ERI1: variants seen among roughly 807,000 people sequenced by gnomAD.
ERI1 encodes the protein exoribonuclease 1, also known as 3'-5' exoribonuclease 1.
In ERI1, 39 loss-of-function variants were observed where a neutral mutation model predicts 39.7. The ratio of observed to expected loss-of-function variants is 0.98; its 90% CI spans 0.76 to 1.28. ERI1 has a LOEUF of 1.28. Among genes scored for constraint, ERI1 ranks in the 50% most tolerant of loss-of-function variants. ERI1 has a pLI of 0.00. For missense variants in ERI1, 581 were observed against 416.9 expected (o/e 1.39, Z -3.43); for synonymous variants, 204 against 149.6 (o/e 1.36, Z -2.65).
intron 3 of ERI1, among the ~76,000 whole-genome samples, chr8:9,043,225 C>T (rs1165676272): frequency 1.3e-5 from 2 of 152,184 alleles, no homozygotes; most frequent in East Asian, 1.9e-4. Context: ...TCTTGAAACT[C>T]CCACCTTTAA....
chr8:9,096,153 G>T (rs567529648), intron 3 of ERI1, among the ~76,000 whole-genome samples: 4 of 152,242 alleles, frequency 2.6e-5, no homozygotes, highest in African/African-American at 7.2e-5. Flanking sequence ...ATGGCATTCA[G>T]TGCAGAGCAA....
intron 1 of ERI1, 86 bp downstream of exon 1, chr8:9,003,257 C>T (rs1410101793): frequency 4.9e-6 from 4 of 810,632 alleles, no homozygotes; most frequent in South Asian, 1.3e-4. Flanking sequence ...TCAGGTGTCC[C>T]GCAGAAGGTG....
chr8:9,078,074 C>A (rs1171648311), intron 3 of ERI1, among the ~76,000 whole-genome samples: 1 of 152,180 alleles, frequency 6.6e-6, no homozygotes, highest in Non-Finnish European at 1.5e-5. Flanking sequence ...ACTGCAACCT[C>A]CACCTCCTGG....
At chr8:9,014,270 G>C (rs1816995483) in intron 3 of ERI1, among the ~76,000 whole-genome samples, 1 of 152,192 alleles carries the variant, frequency 6.6e-6, no homozygotes. Flanking sequence ...TTCTTAGCCA[G>C]AAGTCTTGCT....
At chr8:9,063,965 A>G (rs938566709) in intron 3 of ERI1, among the ~76,000 whole-genome samples, 1 of 151,952 alleles carries the variant, frequency 6.6e-6, no homozygotes, top group African/African-American at 2.4e-5. Context: ...CCCAGAGAAA[A>G]GAGAGAGTAG....
At chr8:9,025,238 GACTTTCCAATAGCTTTCCTC>G (rs1431683937) in intron 6 of ERI1, among the ~76,000 whole-genome samples, 1 of 152,158 alleles carries the variant, frequency 6.6e-6, no homozygotes, top group African/African-American at 2.4e-5. Flanking sequence ...TCAGACTTGA[GACTTTCCAATAGCTTTCCTC>G]ACTTGATATC....
At chr8:9,039,590 A>G (rs995564104) in intron 3 of ERI1, among the ~76,000 whole-genome samples, 23 of 152,326 alleles carry the variant, frequency 1.5e-4, no homozygotes, top group Non-Finnish European at 7.4e-5. Flanking sequence ...TTAGGAAGCA[A>G]GTTAGGTTGA....
At chr8:9,050,248 C>G (rs1399264695) in intron 3 of ERI1, among the ~76,000 whole-genome samples, 1 of 152,018 alleles carries the variant, frequency 6.6e-6, no homozygotes, top group East Asian at 1.9e-4. Flanking sequence ...TGCCTCACAC[C>G]TATAATTCTA....
chr8:9,032,913 C>G lies in ERI1; in HGVS notation c.*2879C>G, dbSNP rs1027692871. 2 of 152,192 alleles carry G rather than the reference C, an allele frequency of 1.3e-5. No homozygotes were observed. Among genetic ancestry groups the G allele is most frequent in the Admixed American group, 6.5e-5 (1 of 15,284 alleles). 9.4% of individuals were successfully genotyped at this position (152,192 alleles called of 1,614,324 possible). On this transcript the variant is annotated 3_prime_UTR_variant, in exon 7 of 7. Transcript: ENST00000250263. ...GGATGTATTGTACTTTGAAGGAAGA[C>G]TTTCCATTTCTAAGCTACCATGGAG...
intron 6 of ERI1, among the ~76,000 whole-genome samples, chr8:9,028,201 G>T (rs2117291582): frequency 6.6e-6 from 1 of 152,298 alleles, no homozygotes; most frequent in East Asian, 1.9e-4. Context: ...ATCTGGTTCA[G>T]CGCTTTTCTT....
chr8:9,064,060 A>G (rs12546498), intron 3 of ERI1, among the ~76,000 whole-genome samples: 91,617 of 150,310 alleles, frequency 0.61, 28,265 homozygotes, highest in South Asian at 0.76. Flanking sequence ...GGGTTGGGGC[A>G]CAGAGATAAG....
At chr8:9,007,910 G>A in intron 1 of ERI1, 60 bp from the exon 2 acceptor site, 1 of 1,488,278 alleles carries the variant, frequency 6.7e-7, no homozygotes, top group South Asian at 1.3e-5. Context: ...AATCTGTGAT[G>A]TTTGTACTAA....
intron 3 of ERI1, among the ~76,000 whole-genome samples, chr8:9,080,484 C>T (rs1289624865): frequency 6.6e-6 from 1 of 152,204 alleles, no homozygotes; most frequent in African/African-American, 2.4e-5. Flanking sequence ...TGCTAGGCTG[C>T]CTAGAGGAGA....
intron 3 of ERI1, among the ~76,000 whole-genome samples, chr8:9,065,012 T>C (rs1798830964): frequency 6.6e-6 from 1 of 152,080 alleles, no homozygotes; most frequent in Non-Finnish European, 1.5e-5. Flanking sequence ...AGGGGAGCTT[T>C]TGAGCCAGGA....
chr8:9,053,831 C>A (rs1798429507), intron 3 of ERI1, among the ~76,000 whole-genome samples: 1 of 152,244 alleles, frequency 6.6e-6, no homozygotes, highest in East Asian at 1.9e-4. Context: ...TGTAAGAATT[C>A]TCTTCTGAAA....
intron 1 of ERI1, chr8:9,004,232 T>C: frequency 1.6e-6 from 2 of 1,246,564 alleles, no homozygotes; most frequent in Non-Finnish European, 1.0e-6. Flanking sequence ...ATCCCTTCTC[T>C]TGTAAAGAAC....
rs71201904 is a variant in ERI1, at chr8:9,004,485, C to CTTTTTTTTTTTTTTTT, written c.108+1325_108+1340dup. On this transcript the variant is annotated intron_variant, in intron 1 of 6. Transcript: ENST00000250263. ...CTGTTGCATGCTCTTTATAGTGATA[C>CTTTTTTTTTTTTTTTT]TTTTTTTTTTTTTTTTTTTTTTTTT... Among the ~76,000 whole-genome samples the CTTTTTTTTTTTTTTTT allele has an allele frequency of 1.1e-4, 9 of 78,304 alleles. 1 individual carries two copies. The highest frequency in any genetic ancestry group is 4.0e-4 in the African/African-American group (8 of 20,060). 51.4% of individuals were successfully genotyped at this position (78,304 alleles called of 152,430 possible).
chr8:9,017,482 T>A (rs1817428581), intron 4 of ERI1, among the ~76,000 whole-genome samples: 1 of 152,228 alleles, frequency 6.6e-6, no homozygotes, highest in African/African-American at 2.4e-5. Context: ...TATCTTTATG[T>A]GTATATAGAC....
intron 1 of ERI1, 28 bp from the exon 2 acceptor site, chr8:9,007,934 CCTTTTTTT>C: frequency 9.3e-7 from 1 of 1,071,420 alleles, no homozygotes; most frequent in East Asian, 3.7e-5. Flanking sequence ...TAAACTACAT[CCTTTTTTT>C]TTTTTTTTTT....
Sources: gnomAD v4.1 joint callset for allele counts (sites outside exome capture counted in the v4.1 genomes callset) on GRCh38, gnomAD v4.1.1 for gene constraint, MANE v1.5 for transcripts, NCBI Gene and HGNC (gene_info 2026-07-23, HGNC 2026-07-21) for gene names.